Variants in FAM193A observed in about 807,000 individuals in gnomAD.
The protein encoded by FAM193A is protein FAM193A.
Under a neutral mutation model 126.5 loss-of-function variants are expected in FAM193A, and 22 were observed. The observed-to-expected ratio is 0.17, with a 90% CI of 0.12 to 0.25. FAM193A has a LOEUF of 0.25. Among genes scored for constraint, FAM193A ranks in the 10% least tolerant of loss-of-function variants. The pLI is 1.00. For missense variants in FAM193A, 1,675 were observed against 1,672.8 expected (o/e 1.00, Z -0.02); for synonymous variants, 761 against 646.8 (o/e 1.18, Z -2.68).
intron 4 of FAM193A, 102 bp downstream of exon 4, chr4:2,626,679 G>C (rs1742997941): frequency 4.9e-6 from 3 of 613,800 alleles, no homozygotes; most frequent in Non-Finnish European, 9.0e-6. Flanking sequence ...ACAGTGCTCA[G>C]CTGGGTTTGC....
chr4:2,655,772 G>A (rs1711600843), intron 7 of FAM193A, among the ~76,000 whole-genome samples: 1 of 150,902 alleles, frequency 6.6e-6, no homozygotes, highest in African/African-American at 2.4e-5. Context: ...TCTCTACAAG[G>A]AAAAAAAAAT....
intron 1 of FAM193A, among the ~76,000 whole-genome samples, chr4:2,594,031 T>A (rs914758474): frequency 6.6e-6 from 1 of 152,140 alleles, no homozygotes; most frequent in African/African-American, 2.4e-5. Flanking sequence ...AACATTCAGC[T>A]CAGGATGGCT....
chr4:2,627,918 A>G (rs1171506531), intron 4 of FAM193A, among the ~76,000 whole-genome samples: 1 of 151,636 alleles, frequency 6.6e-6, no homozygotes, highest in Non-Finnish European at 1.5e-5. Flanking sequence ...AATTTTTTGT[A>G]TTTTTAGTAG....
intron 1 of FAM193A, among the ~76,000 whole-genome samples, chr4:2,560,981 A>C (rs1738576563): frequency 1.3e-5 from 2 of 152,032 alleles, no homozygotes; most frequent in Admixed American, 6.6e-5. Flanking sequence ...CATGACTGTG[A>C]TATCCACCTT....
intron 20 of FAM193A, among the ~76,000 whole-genome samples, chr4:2,726,562 G>T (rs199520733): frequency 2.7e-4 from 41 of 150,096 alleles, no homozygotes; most frequent in African/African-American, 9.3e-4. Context: ...CTTTTTTTTT[G>T]GCCTAAATTA....
chr4:2,540,690 G>T (rs1477838079), intron 1 of FAM193A, among the ~76,000 whole-genome samples: 1 of 152,136 alleles, frequency 6.6e-6, no homozygotes, highest in Non-Finnish European at 1.5e-5. Flanking sequence ...GCCGAGTGCG[G>T]TGGCTCACAC....
intron 5 of FAM193A, among the ~76,000 whole-genome samples, chr4:2,631,783 C>A (rs962626890): frequency 6.6e-6 from 1 of 152,110 alleles, no homozygotes; most frequent in Non-Finnish European, 1.5e-5. Context: ...AGAGGAATCA[C>A]TACATTGGGT....
At chr4:2,635,031 C>A (rs914251302) in intron 5 of FAM193A, among the ~76,000 whole-genome samples, 1 of 152,130 alleles carries the variant, frequency 6.6e-6, no homozygotes, top group Non-Finnish European at 1.5e-5. Flanking sequence ...TGCTTTTTGT[C>A]TTAGAATATT....
At chr4:2,712,046 T>C (rs1428976721) in intron 19 of FAM193A, among the ~76,000 whole-genome samples, 1 of 152,230 alleles carries the variant, frequency 6.6e-6, no homozygotes, top group Non-Finnish European at 1.5e-5. Flanking sequence ...TACAGGTTTT[T>C]TTCATTGTGA....
rs1002103868 is a variant in FAM193A, at chr4:2,732,181, C to T, written c.*313C>T. 3.0e-5 allele frequency: 12 copies of T among 394,598 alleles called. No homozygotes were observed. The East Asian group carries it at 3.3e-4, about 11-fold the overall frequency. 24.4% of individuals were successfully genotyped at this position (394,598 alleles called of 1,614,324 possible). On this transcript the variant is annotated 3_prime_UTR_variant, in exon 21 of 21. Transcript: ENST00000637812. Reference sequence around the variant, plus strand: ...GCCAGATAGGAGTTTGCATCATCCACGTGGCTCCGTTGCCTCTGCATTGCG... The same window carrying T: ...GCCAGATAGGAGTTTGCATCATCCATGTGGCTCCGTTGCCTCTGCATTGCG...
Position 2,556,478 on chromosome 4 carries a change from A to G in FAM193A, c.255+19308A>G, listed in dbSNP as rs138251502. On this transcript the variant is annotated intron_variant, in intron 1 of 20. Coordinates refer to ENST00000637812, the MANE Select transcript of FAM193A (RefSeq NM_001366318.2). ...CTTGGCCTCCCAAAGTGCTGGGATT[A>G]CAGGCGTGAGCCACCACGCCCGGCT... Among the ~76,000 whole-genome samples, 194 of 152,294 alleles carry G rather than the reference A, an allele frequency of 1.3e-3. 1 individual carries two copies. The highest frequency in any genetic ancestry group is 4.5e-3 in the African/African-American group (189 of 41,570).
chr4:2,622,441 G>A (rs1560488605), intron 2 of FAM193A, among the ~76,000 whole-genome samples: 1 of 152,012 alleles, frequency 6.6e-6, no homozygotes, highest in Admixed American at 6.6e-5. Context: ...AGACTTGGGG[G>A]TCTTTGTTCT....
chr4:2,600,196 C>T (rs1741116758), intron 2 of FAM193A, among the ~76,000 whole-genome samples: 1 of 152,160 alleles, frequency 6.6e-6, no homozygotes, highest in Admixed American at 6.5e-5. Flanking sequence ...CTGCGCCTGA[C>T]CTGCCATAGT....
intron 20 of FAM193A, among the ~76,000 whole-genome samples, chr4:2,728,895 A>ATTTTTTTTTTTTTTTTTTTTT (rs1491485597): frequency 9.5e-6 from 1 of 105,710 alleles, no homozygotes. Flanking sequence ...CACCTCCAAA[A>ATTTTTTTTTTTTTTTTTTTTT]CTTTTTTTTT....
intron 1 of FAM193A, among the ~76,000 whole-genome samples, chr4:2,575,420 A>G (rs1390061592): frequency 1.3e-5 from 2 of 152,036 alleles, no homozygotes; most frequent in East Asian, 1.9e-4. Flanking sequence ...TAAGCAAACA[A>G]TAATTTGAGT....
chr4:2,708,453 A>T (rs1324311508), intron 19 of FAM193A, among the ~76,000 whole-genome samples: 2 of 150,786 alleles, frequency 1.3e-5, no homozygotes, highest in South Asian at 4.2e-4. Context: ...TTTATTTTTT[A>T]TTTTTTTTAA....
intron 1 of FAM193A, among the ~76,000 whole-genome samples, chr4:2,559,358 C>T (rs1299343027): frequency 1.3e-5 from 2 of 152,180 alleles, no homozygotes; most frequent in African/African-American, 4.8e-5. Flanking sequence ...CCCTCACATA[C>T]CTTTCAATTT....
intron 14 of FAM193A, 28 bp downstream of exon 14, chr4:2,689,732 A>C (rs1320290299): frequency 6.6e-7 from 1 of 1,520,668 alleles, no homozygotes; most frequent in Non-Finnish European, 8.9e-7. Flanking sequence ...ACTTTCTTGA[A>C]GTTTTAAAAT....
chr4:2,661,029 A>G (rs2109110145), intron 10 of FAM193A, among the ~76,000 whole-genome samples: 1 of 151,970 alleles, frequency 6.6e-6, no homozygotes, highest in East Asian at 1.9e-4. Context: ...TTAAACATAT[A>G]TAGCCTAATG....
Sources: gnomAD v4.1 joint callset for allele counts (sites outside exome capture counted in the v4.1 genomes callset) on GRCh38, gnomAD v4.1.1 for gene constraint, MANE v1.5 for transcripts, NCBI Gene and HGNC (gene_info 2026-07-23, HGNC 2026-07-21) for gene names.